The following CBR3 variants were observed in gnomAD, a reference collection of about 807,000 sequenced individuals.
CBR3 encodes carbonyl reductase 3.
A neutral mutation model predicts 11.6 loss-of-function variants in CBR3; 14 were observed. That is an observed-to-expected ratio of 1.20 (90% confidence interval 0.79 to 1.88). CBR3 has a LOEUF of 1.88. Among genes scored for constraint, CBR3 ranks in the 40% most tolerant of loss-of-function variants. The pLI is 0.00. For missense variants in CBR3, 308 were observed against 357.3 expected (o/e 0.86, Z 1.11); for synonymous variants, 125 against 145.6 (o/e 0.86, Z 1.02).
At position 36,146,480 on chromosome 21, in the gene CBR3, T is replaced by C. The variant is rs2123356075; in HGVS notation, c.802T>C (p.Leu268=). 3.1e-6 allele frequency: 5 copies of C among 1,611,428 alleles called. No homozygotes were observed. Among genetic ancestry groups the C allele is most frequent in the Non-Finnish European group, 4.2e-6 (5 of 1,178,114 alleles). The change falls in exon 3 of 3, where the codon TTG becomes CTG. Residue 268 remains leucine (L), a synonymous_variant. Transcript: ENST00000290354. ...PPDATEPQGQ[L]VHDKVVQNW The stretch of plus-strand genomic sequence containing the variant: ...AGATGCCACTGAGCCACAAGGCCAG[T>C]TGGTCCATGACAAAGTTGTGCAAAA...
At position 36,146,335 on chromosome 21, in the gene CBR3, C is replaced by T. The variant is rs2065754804; in HGVS notation, c.657C>T (p.Asp219=). 1 of 1,614,150 alleles carries T rather than the reference C, an allele frequency of 6.2e-7. No individual in the cohort carries two copies. Among genetic ancestry groups the T allele is most frequent in the Non-Finnish European group, 8.5e-7 (1 of 1,180,040 alleles). The change falls in exon 3 of 3, where the codon GAC becomes GAT. Residue 219 remains aspartate (D), a synonymous_variant. Coordinates refer to ENST00000290354, the MANE Select transcript of CBR3 (RefSeq NM_001236.4). ...GTCTGGATGAGAAGAGGAAAGCTGA[C>T]AGGATTCTGGTGAATGCGTGCTGCC... ...ARRLDEKRKA[D]RILVNACCPG...
chr21:36,138,738 T>TC (rs2065683088), intron 2 of CBR3: 1 of 150,478 alleles, frequency 6.6e-6, no homozygotes. Context: ...TCTTTTTTTT[T>TC]CTTTTCTTTT....
rs757680105 is a variant in CBR3, at chr21:36,135,610, G to A, written c.289+129G>A. On this transcript the variant is annotated intron_variant, in intron 1 of 2. Coordinates refer to ENST00000290354, the MANE Select transcript of CBR3 (RefSeq NM_001236.4). ...GCGCCGACCCCTAGGGATGCGCTCAGCCCACGCCTCCCGCGAGGCGGTTTT... is the reference window on the plus strand; with the variant it reads ...GCGCCGACCCCTAGGGATGCGCTCAACCCACGCCTCCCGCGAGGCGGTTTT... The A allele has an allele frequency of 6.3e-4, 536 of 848,300 alleles. 2 individuals are homozygous for A. Among genetic ancestry groups the A allele is most frequent in the Middle Eastern group, 1.3e-3 (4 of 2,968 alleles). 52.5% of individuals were successfully genotyped at this position (848,300 alleles called of 1,614,324 possible).
Position 36,135,474 on chromosome 21 carries a change from C to T in CBR3, c.282C>T (p.Ala94=), listed in dbSNP as rs909990926. 6.2e-7 allele frequency: 1 copy of T among 1,609,670 alleles called. No homozygotes were observed. Among genetic ancestry groups the T allele is most frequent in the Non-Finnish European group, 8.5e-7 (1 of 1,177,288 alleles). The part of the protein sequence containing the change: ...LNVLVNNAAV[A]FKSDDPMPFD... ...TACTGGTCAACAACGCGGCCGTCGC[C>T]TTCAAGAGTAGGTGCAGGGCTTGGG... The change falls in exon 1 of 3, where the codon GCC becomes GCT. Residue 94 remains alanine, a synonymous_variant. Coordinates refer to ENST00000290354, the MANE Select transcript of CBR3 (RefSeq NM_001236.4).
intron 2 of CBR3, chr21:36,141,553 G>A (rs1425205316): frequency 2.0e-5 from 3 of 152,228 alleles, no homozygotes; most frequent in Non-Finnish European, 2.9e-5. Context: ...AACCATCAGA[G>A]GGCAGGGACC....
rs141949108 is a variant in CBR3, at chr21:36,146,310, G to T, written c.632G>T (p.Arg211Leu). Residue 211 changes from arginine (R) to leucine (L), a missense_variant, in exon 3 of 3, where the codon CGT becomes CTT. Arg to Leu is a moderately radical substitution (Grantham distance 102). Coordinates refer to ENST00000290354, the MANE Select transcript of CBR3 (RefSeq NM_001236.4). ...VTVLSRILAR[R>L]LDEKRKADRI... is the part of the protein sequence containing the mutation. ...GTCTTATCGAGGATCCTGGCCAGGC[G>T]TCTGGATGAGAAGAGGAAAGCTGAC... The T allele has an allele frequency of 2.5e-6, 4 of 1,614,074 alleles. No individual in the cohort carries two copies. The African/African-American group carries it at 4.0e-5, about 16-fold the overall frequency.
At chr21:36,145,929 C>G in intron 2 of CBR3, 147 bp from the exon 3 acceptor site, 1 of 625,784 alleles carries the variant, frequency 1.6e-6, no homozygotes, top group Non-Finnish European at 2.7e-6. Flanking sequence ...CCAGTGCACT[C>G]TAGCCTGGGC....
At chr21:36,141,277 T>C (rs865934867) in intron 2 of CBR3, 1 of 76,702 alleles carries the variant, frequency 1.3e-5, no homozygotes, top group Admixed American at 1.2e-4. Context: ...AAAAAAAAAA[T>C]GCATTTAACG....
intron 2 of CBR3, chr21:36,141,825 C>A: frequency 1.7e-6 from 1 of 602,452 alleles, no homozygotes; most frequent in Non-Finnish European, 2.1e-6. Context: ...TCAAAGAGGA[C>A]ACCTCCTCCC....
intron 1 of CBR3, among the ~76,000 whole-genome samples, chr21:36,136,706 C>T (rs964778678): frequency 2.0e-5 from 3 of 152,136 alleles, no homozygotes; most frequent in African/African-American, 7.2e-5. Context: ...GCAGAATCTC[C>T]CGCCTTGCCC....
intron 2 of CBR3, chr21:36,142,018 C>A: frequency 1.9e-6 from 1 of 532,246 alleles, no homozygotes; most frequent in Non-Finnish European, 2.4e-6. Context: ...ATGTGACTCT[C>A]CTCATGAGAA....
intron 1 of CBR3, chr21:36,137,531 G>A (rs149398590): frequency 2.4e-4 from 26 of 110,508 alleles, no homozygotes; most frequent in South Asian, 1.0e-3. Flanking sequence ...AGGAAGGAAG[G>A]AAGGAAGGAA....
chr21:36,139,881 C>CTTTTT lies in CBR3; in HGVS notation c.397+1967_397+1971dup, dbSNP rs10689993. Among the ~76,000 whole-genome samples, 237 of 89,848 alleles carry CTTTTT rather than the reference C, an allele frequency of 2.6e-3. 10 individuals are homozygous for CTTTTT. The highest frequency in any genetic ancestry group is 2.8e-3 in the African/African-American group (64 of 22,732). The allele number at this position is 89,848 out of a possible 152,430, so 58.9% of individuals were successfully genotyped here. A position where few individuals can be genotyped will look rare whatever the true frequency, so the allele number is the denominator to read the frequency against. ...ACAAAATTATCTCTGGATGCAAAAC[C>CTTTTT]TTTTTTTTTTTTTTTTTTTTTTCTG... On this transcript the variant is annotated intron_variant, in intron 2 of 2. Coordinates refer to ENST00000290354, the MANE Select transcript of CBR3 (RefSeq NM_001236.4).
At position 36,143,786 on chromosome 21, in the gene CBR3, A is replaced by G. The variant is rs528265816; in HGVS notation, c.398-2290A>G. Among the ~76,000 whole-genome samples the G allele has an allele frequency of 4.3e-3, 646 of 151,452 alleles. 7 individuals are homozygous for G. The highest frequency in any genetic ancestry group is 0.014 in the African/African-American group (566 of 41,292). On this transcript the variant is annotated intron_variant, in intron 2 of 2. Transcript: ENST00000290354. ...GCCCAGTTATTTGTGGGGCTGAGAC[A>G]GGAGGATCACTTGAGTCTGGGAAGT...
Position 36,146,421 on chromosome 21 carries a change from C to A in CBR3, c.743C>A (p.Ala248Asp), listed in dbSNP as rs2123355707. The A allele has an allele frequency of 6.2e-7, 1 of 1,614,174 alleles. No individual in the cohort carries two copies. The highest frequency in any genetic ancestry group is 8.5e-7 in the Non-Finnish European group (1 of 1,180,018). Residue 248 changes from alanine (A) to aspartate (D), a missense_variant, in exon 3 of 3, where the codon GCT (alanine) becomes GAT (aspartate). Coordinates refer to ENST00000290354, the MANE Select transcript of CBR3 (RefSeq NM_001236.4). ...AGCATCAGGACTGTGGAGGAGGGGG[C>A]TGAGACCCCTGTCTACTTGGCCCTC... ...KDSIRTVEEG[A>D]ETPVYLALLP...
At position 36,135,208 on chromosome 21, in the gene CBR3, C is replaced by A. The variant is rs775199518; in HGVS notation, c.16C>A (p.Arg6Ser). The A allele has an allele frequency of 6.6e-7, 1 of 1,506,780 alleles. No homozygotes were observed. Among genetic ancestry groups the A allele is most frequent in the Non-Finnish European group, 8.9e-7 (1 of 1,128,496 alleles). 93.3% of individuals were successfully genotyped at this position (1,506,780 alleles called of 1,614,324 possible). MSSCS[R>S]VALVTGANRG... The stretch of plus-strand genomic sequence containing the variant: ...CCGCTCAGCCATGTCGTCCTGCAGC[C>A]GCGTGGCGCTGGTGACCGGGGCCAA... The change falls in exon 1 of 3, where the codon CGC becomes AGC. Residue 6 changes from arginine to serine, a missense_variant. Transcript: ENST00000290354.
chr21:36,140,923 G>A (rs1461785195), intron 2 of CBR3, among the ~76,000 whole-genome samples: 3 of 149,578 alleles, frequency 2.0e-5, no homozygotes, highest in East Asian at 4.0e-4. Flanking sequence ...CAGGAGAATG[G>A]CATGAACCCG....
chr21:36,140,193 A>G (rs1321131084), intron 2 of CBR3, among the ~76,000 whole-genome samples: 1 of 151,992 alleles, frequency 6.6e-6, no homozygotes, highest in Non-Finnish European at 1.5e-5. Context: ...TCAGACGCAA[A>G]AAGTTCTTAA....
At position 36,140,481 on chromosome 21, in the gene CBR3, T is replaced by C. The variant is rs570428608; in HGVS notation, c.397+2549T>C. 7.6e-4 allele frequency among the ~76,000 whole-genome samples: 115 copies of C among 152,302 alleles called. 1 individual carries two copies. The highest frequency in any genetic ancestry group is 2.7e-3 in the African/African-American group (111 of 41,564). On this transcript the variant is annotated intron_variant, in intron 2 of 2. Transcript: ENST00000290354. ...AGCTTTTATCTTTTTTGTGGCTATA[T>C]AGGGACGCAGCCATTATAGGGATGT... is the stretch of plus-strand genomic sequence containing the variant.
Sources: gnomAD v4.1 joint callset for allele counts (sites outside exome capture counted in the v4.1 genomes callset) on GRCh38, gnomAD v4.1.1 for gene constraint, MANE v1.5 for transcripts, NCBI Gene and HGNC (gene_info 2026-07-23, HGNC 2026-07-21) for gene names.